Variants in TMEM117 observed in about 807,000 individuals in gnomAD.
TMEM117 encodes the protein transmembrane protein 117.
In TMEM117, 27 loss-of-function variants were observed where a neutral mutation model predicts 52.4. The ratio of observed to expected loss-of-function variants is 0.51; its 90% confidence interval spans 0.38 to 0.71. TMEM117 has a LOEUF of 0.71. TMEM117 is among the 30% of genes least tolerant of loss of function. The pLI is 0.00. For synonymous variants in TMEM117, 215 were observed against 206.3 expected, an observed-to-expected ratio of 1.04 and a Z score of -0.36; for missense variants, 556 against 630.5, an observed-to-expected ratio of 0.88 and a Z score of 1.26.
At chr12:43,865,524 C>G (rs780777166) in intron 2 of TMEM117, among the ~76,000 whole-genome samples, 52 of 151,900 alleles carry the variant, frequency 3.4e-4, no homozygotes, top group Non-Finnish European at 6.9e-4. Context: ...TCATGAAACT[C>G]CATCTCTGCT....
At chr12:43,981,156 C>T (rs568627199) in intron 3 of TMEM117, among the ~76,000 whole-genome samples, 10 of 152,228 alleles carry the variant, frequency 6.6e-5, no homozygotes, top group East Asian at 1.9e-4. Context: ...CAACCCTGAC[C>T]GATCTCCTAC....
At chr12:44,344,519 G>A (rs569549536) in intron 6 of TMEM117, among the ~76,000 whole-genome samples, 102 of 152,188 alleles carry the variant, frequency 6.7e-4, no homozygotes, top group African/African-American at 2.2e-3. Flanking sequence ...CTACTGTCCA[G>A]GTGGTCACGC....
chr12:44,212,683 A>C (rs1949662520), intron 5 of TMEM117, among the ~76,000 whole-genome samples: 1 of 152,126 alleles, frequency 6.6e-6, no homozygotes, highest in Non-Finnish European at 1.5e-5. Flanking sequence ...CCACCAGATA[A>C]GGGGGACTAC....
At chr12:44,098,251 G>T (rs1201726060) in intron 3 of TMEM117, among the ~76,000 whole-genome samples, 7 of 152,156 alleles carry the variant, frequency 4.6e-5, no homozygotes, top group South Asian at 2.1e-4. Context: ...ACCCCTCAGA[G>T]GTCTTACAGT....
the TMEM117 span, chr12:43,805,570 T>C: frequency 7.4e-5 from 34 of 461,958 alleles, no homozygotes; most frequent in Non-Finnish European, 1.3e-4. Flanking sequence ...AGGTCAGATA[T>C]AACTGCATAT....
intron 4 of TMEM117, among the ~76,000 whole-genome samples, chr12:44,149,081 G>C (rs1170183493): frequency 1.3e-5 from 2 of 152,230 alleles, no homozygotes; most frequent in Admixed American, 6.5e-5. Context: ...TGAATTGCCA[G>C]TGTAAGTCTC....
At chr12:44,337,473 G>A (rs1386107604) in intron 6 of TMEM117, among the ~76,000 whole-genome samples, 1 of 152,104 alleles carries the variant, frequency 6.6e-6, no homozygotes, top group East Asian at 1.9e-4. Flanking sequence ...GGTGACATTG[G>A]TCAGGTAAGA....
At chr12:44,047,665 A>C (rs975542828) in intron 3 of TMEM117, among the ~76,000 whole-genome samples, 1 of 152,228 alleles carries the variant, frequency 6.6e-6, no homozygotes, top group African/African-American at 2.4e-5. Flanking sequence ...TAGACTTTGC[A>C]TCTAATCCTT....
chr12:44,008,151 C>A (rs1236422394), intron 3 of TMEM117, among the ~76,000 whole-genome samples: 2 of 152,128 alleles, frequency 1.3e-5, no homozygotes, highest in Non-Finnish European at 2.9e-5. Flanking sequence ...GGATGAGGAC[C>A]AAGACTGCCT....
At chr12:44,192,123 A>G (rs1402294117) in intron 4 of TMEM117, among the ~76,000 whole-genome samples, 4 of 152,140 alleles carry the variant, frequency 2.6e-5, no homozygotes, top group Non-Finnish European at 5.9e-5. Flanking sequence ...ACTCAATCTT[A>G]GAGGAGTATA....
chr12:44,334,683 T>C (rs1230338823), intron 6 of TMEM117, among the ~76,000 whole-genome samples: 1 of 151,956 alleles, frequency 6.6e-6, no homozygotes, highest in African/African-American at 2.4e-5. Flanking sequence ...ACCTTGCAAC[T>C]CTTTACTTAA....
upstream of TMEM117, among the ~76,000 whole-genome samples, chr12:43,835,171 G>A (rs1323243497): frequency 6.6e-6 from 1 of 152,164 alleles, no homozygotes; most frequent in African/African-American, 2.4e-5. Context: ...GTTGCTATTA[G>A]GTGTGGAAGG....
chr12:43,863,718 G>A (rs1592315842), intron 2 of TMEM117, among the ~76,000 whole-genome samples: 1 of 152,198 alleles, frequency 6.6e-6, no homozygotes, highest in Non-Finnish European at 1.5e-5. Context: ...GAGAGGTGGT[G>A]AGAGGTGACA....
chr12:43,958,421 A>G (rs1024883648), intron 3 of TMEM117, among the ~76,000 whole-genome samples: 4 of 152,226 alleles, frequency 2.6e-5, no homozygotes, highest in Non-Finnish European at 5.9e-5. Flanking sequence ...CCAGAGAATC[A>G]ATTACCAATA....
intron 6 of TMEM117, among the ~76,000 whole-genome samples, chr12:44,355,430 A>C (rs1037491229): frequency 2.0e-5 from 3 of 152,076 alleles, no homozygotes; most frequent in Non-Finnish European, 4.4e-5. Context: ...ATGATCACTC[A>C]ATCAGTATTT....
At chr12:44,129,093 A>C (rs1408935244) in intron 3 of TMEM117, among the ~76,000 whole-genome samples, 1 of 152,170 alleles carries the variant, frequency 6.6e-6, no homozygotes, top group Admixed American at 6.5e-5. Flanking sequence ...GCTCCTGCAT[A>C]GTTCCACAGA....
chr12:43,909,756 A>C (rs1308825232), intron 2 of TMEM117, among the ~76,000 whole-genome samples: 4 of 148,462 alleles, frequency 2.7e-5, no homozygotes, highest in South Asian at 4.4e-4. Flanking sequence ...GAAATGGATA[A>C]ATTCCTCGAC....
chr12:44,206,886 T>A (rs1271957845), intron 4 of TMEM117, among the ~76,000 whole-genome samples: 1 of 152,078 alleles, frequency 6.6e-6, no homozygotes, highest in Non-Finnish European at 1.5e-5. Context: ...ACCTGAGTGA[T>A]GAAATCACTT....
intron 3 of TMEM117, among the ~76,000 whole-genome samples, chr12:44,132,338 A>C (rs1340805927): frequency 6.6e-6 from 1 of 151,920 alleles, no homozygotes; most frequent in Non-Finnish European, 1.5e-5. Context: ...CCAGGCTTGA[A>C]CTTCTTCATG....
Sources: gnomAD v4.1 joint callset for allele counts (sites outside exome capture counted in the v4.1 genomes callset) on GRCh38, gnomAD v4.1.1 for gene constraint, MANE v1.5 for transcripts, NCBI Gene and HGNC (gene_info 2026-07-23, HGNC 2026-07-21) for gene names.